The following MDN1 variants were observed in gnomAD, a reference collection of about 807,000 sequenced individuals.
MDN1 encodes midasin.
MDN1 carries 266 observed loss-of-function variants against 669.2 expected under a neutral mutation model. That is an observed-to-expected ratio of 0.40 (90% CI 0.36 to 0.44). MDN1 has a LOEUF of 0.44. Among genes scored for constraint, MDN1 ranks in the 20% least tolerant of loss-of-function variants. The probability of loss-of-function intolerance (pLI) is 1.00; values close to 1 mark genes in which losing one functional copy is unlikely to be tolerated. For synonymous variants in MDN1, 2,385 were observed against 2,457.1 expected (o/e 0.97, Z 0.87); for missense variants, 5,940 against 6,754.0 (o/e 0.88, Z 4.22).
At chr6:89,647,877 C>T (rs567932146) in intron 99 of MDN1, among the ~76,000 whole-genome samples, 155 bp downstream of exon 99, 16 of 152,228 alleles carry the variant, frequency 1.1e-4, no homozygotes, top group Non-Finnish European at 1.0e-4. Flanking sequence ...TGCTTGAGCC[C>T]GGGAGTTCGA....
rs1196322201 is a variant in MDN1 at position 89,673,285 on chromosome 6, A to T, written c.13425T>A (p.Ala4475=). ...YVRGEISKAM[A]DFTTWKTHLL... ...GATGGGTCTTCCAGGTAGTAAAGTC[A>T]GCCATGGCTTTACTAATTTCTCCTC... The change falls in exon 80 of 102, where the codon GCT becomes GCA. Residue 4475 remains alanine (A), a synonymous_variant. Coordinates refer to ENST00000369393, the MANE Select transcript of MDN1 (RefSeq NM_014611.3). The T allele has an allele frequency of 6.2e-7, 1 of 1,614,198 alleles. No homozygotes were observed. The highest frequency in any genetic ancestry group is 8.5e-7 in the Non-Finnish European group (1 of 1,180,014).
intron 9 of MDN1, among the ~76,000 whole-genome samples, chr6:89,784,074 G>A (rs1433970476): frequency 6.6e-6 from 1 of 152,062 alleles, no homozygotes; most frequent in East Asian, 1.9e-4. Context: ...AACACTTTAG[G>A]AGGCCAAGGC....
chr6:89,807,677 C>T (rs894420688), intron 1 of MDN1, among the ~76,000 whole-genome samples: 2 of 152,156 alleles, frequency 1.3e-5, no homozygotes, highest in African/African-American at 2.4e-5. Context: ...TCTTCTCTCC[C>T]TCCTCCTGTA....
At chr6:89,711,555 G>T (rs74428309) in intron 49 of MDN1, among the ~76,000 whole-genome samples, 19 of 152,192 alleles carry the variant, frequency 1.2e-4, no homozygotes, top group African/African-American at 4.3e-4. Flanking sequence ...GTCCCTGGGT[G>T]GGGGAGGGAG....
chr6:89,753,537 C>T lies in MDN1; in HGVS notation c.3050G>A (p.Gly1017Asp). The change falls in exon 22 of 102, where the codon GGC becomes GAC. Residue 1017 changes from glycine to aspartate, a missense_variant. Physicochemically the swap from Gly to Asp is moderately conservative, Grantham distance 94 (BLOSUM62 -1). Coordinates refer to ENST00000369393, the MANE Select transcript of MDN1 (RefSeq NM_014611.3). ...CTGCTTCAGCAGACTCTTGACATTG[C>T]CAGGGACAATGTGTTGACAGATGAG... ...QKLICQHIVPGNVKSLLKQPI... is the reference protein window; with the variant it reads ...QKLICQHIVPDNVKSLLKQPI... The T allele has an allele frequency of 1.2e-6, 2 of 1,611,972 alleles. No homozygotes were observed. Among genetic ancestry groups the T allele is most frequent in the Middle Eastern group, 1.7e-4 (1 of 6,056 alleles).
chr6:89,661,777 TATCCAA>T (rs1423186743), intron 87 of MDN1, among the ~76,000 whole-genome samples, 199 bp from the exon 88 acceptor site: 1 of 152,240 alleles, frequency 6.6e-6, no homozygotes, highest in Non-Finnish European at 1.5e-5. Context: ...CTGTGCAGGT[TATCCAA>T]GGACAAATGG....
Position 89,793,849 on chromosome 6 carries a change from T to A in MDN1, c.768A>T (p.Gly256=), listed in dbSNP as rs368846313. 1 of 1,614,120 alleles carries A rather than the reference T, an allele frequency of 6.2e-7. No homozygotes were observed. The highest frequency in any genetic ancestry group is 8.5e-7 in the Non-Finnish European group (1 of 1,180,012). ...RKQKELQYLQ[G]HLVSSDLSPR... ...GGGAGAGGTCAGACGAAACAAGATGTCCCTGTAAGTACTGCAGCTCCTTCT... is the reference window on the plus strand; with the variant it reads ...GGGAGAGGTCAGACGAAACAAGATGACCCTGTAAGTACTGCAGCTCCTTCT... The change falls in exon 5 of 102, where the codon GGA becomes GGT. Residue 256 remains glycine, a synonymous_variant. Coordinates refer to ENST00000369393, the MANE Select transcript of MDN1 (RefSeq NM_014611.3).
At chr6:89,805,784 C>A (rs1036319837) in intron 1 of MDN1, among the ~76,000 whole-genome samples, 8 of 152,182 alleles carry the variant, frequency 5.3e-5, no homozygotes, top group Middle Eastern at 3.2e-3. Context: ...GAAACAATTT[C>A]TATCAGTCTT....
At chr6:89,711,059 T>A (rs1813879233) in intron 49 of MDN1, among the ~76,000 whole-genome samples, 1 of 152,220 alleles carries the variant, frequency 6.6e-6, no homozygotes, top group Non-Finnish European at 1.5e-5. Flanking sequence ...ATTCTCTACA[T>A]ATATTTAGAC....
intron 72 of MDN1, 36 bp downstream of exon 72, chr6:89,683,795 T>C: frequency 6.6e-7 from 1 of 1,519,502 alleles, no homozygotes; most frequent in Non-Finnish European, 9.1e-7. Flanking sequence ...AATTCTATTC[T>C]ATTTTGGTTG....
intron 14 of MDN1, 72 bp from the exon 15 acceptor site, chr6:89,771,693 G>C (rs1818085930): frequency 5.3e-6 from 7 of 1,328,722 alleles, no homozygotes; most frequent in Non-Finnish European, 7.5e-6. Flanking sequence ...TGCTCCTTAA[G>C]GCTGTGGGAA....
chr6:89,776,458 G>A (rs1272134397), intron 12 of MDN1, 142 bp downstream of exon 12: 1 of 607,830 alleles, frequency 1.6e-6, no homozygotes, highest in Non-Finnish European at 2.9e-6. Flanking sequence ...ATGCCCACGA[G>A]AGGCTGCAAT....
chr6:89,776,115 A>G (rs1818342569), intron 12 of MDN1, among the ~76,000 whole-genome samples: 1 of 152,218 alleles, frequency 6.6e-6, no homozygotes, highest in South Asian at 2.1e-4. Flanking sequence ...AATAAAATAA[A>G]TGCTCACTAA....
intron 1 of MDN1, among the ~76,000 whole-genome samples, chr6:89,807,829 G>A (rs1768113970): frequency 6.6e-6 from 1 of 152,040 alleles, no homozygotes; most frequent in Non-Finnish European, 1.5e-5. Context: ...TTCGTTTCTT[G>A]TGAACTGTCT....
intron 22 of MDN1, among the ~76,000 whole-genome samples, chr6:89,753,180 C>T (rs926650544): frequency 1.3e-5 from 2 of 151,948 alleles, no homozygotes; most frequent in Admixed American, 1.3e-4. Context: ...GACAGTCCCA[C>T]TTACATTAAA....
chr6:89,804,395 C>T (rs1047785506), intron 1 of MDN1, among the ~76,000 whole-genome samples: 10 of 152,050 alleles, frequency 6.6e-5, no homozygotes, highest in Non-Finnish European at 1.3e-4. Flanking sequence ...AAATAAGTTT[C>T]AGTACACTGG....
chr6:89,700,403 T>C, intron 56 of MDN1, 109 bp from the exon 57 acceptor site: 1 of 870,950 alleles, frequency 1.1e-6, no homozygotes, highest in Non-Finnish European at 1.8e-6. Flanking sequence ...CTAATCAGAG[T>C]TAAGCTCCTT....
chr6:89,796,859 GGGAGTT>G (rs1819636943), intron 2 of MDN1, among the ~76,000 whole-genome samples: 1 of 151,858 alleles, frequency 6.6e-6, no homozygotes, highest in African/African-American at 2.4e-5. Flanking sequence ...ACCTGAGGTC[GGGAGTT>G]CGAGACCAGC....
chr6:89,777,621 C>T (rs537251996), intron 11 of MDN1, among the ~76,000 whole-genome samples: 229 of 152,206 alleles, frequency 1.5e-3, no homozygotes, highest in African/African-American at 5.3e-3. Context: ...AGTCATGTGG[C>T]CAGAGGTCAC....
Sources: allele counts gnomAD v4.1 joint callset (sites outside exome capture counted in the v4.1 genomes callset), GRCh38; gene constraint gnomAD v4.1.1; transcripts MANE v1.5; gene names NCBI Gene and HGNC (gene_info 2026-07-23, HGNC 2026-07-21).